Variants in PTCHD1 observed in about 807,000 individuals in gnomAD.
PTCHD1 encodes patched domain containing 1.
Under a neutral mutation model 34.6 loss-of-function variants are expected in PTCHD1, and 3 were observed. The observed-to-expected ratio is 0.09, with a 90% CI of 0.04 to 0.22. PTCHD1 has a LOEUF of 0.22. Among genes scored for constraint, PTCHD1 ranks in the 10% least tolerant of loss-of-function variants. The pLI, the probability that PTCHD1 is intolerant of heterozygous loss-of-function variation, is 1.00. For missense variants in PTCHD1, 504 were observed against 685.5 expected, an observed-to-expected ratio of 0.74 and a Z score of 2.96; for synonymous variants, 305 against 283.1, an observed-to-expected ratio of 1.08 and a Z score of -0.77.
chrX:23,384,709 T>G lies in PTCHD1; in HGVS notation c.1012+4458T>G, dbSNP rs375800691. 1.6e-3 allele frequency among the ~76,000 whole-genome samples: 174 copies of G among 112,219 alleles called. 1 individual carries two copies. The highest frequency in any genetic ancestry group is 5.4e-3 in the African/African-American group (168 of 30,898). On this transcript the variant is annotated intron_variant, in intron 2 of 2. Transcript: ENST00000379361. ...TAAACTTAAGCAAACCTGAAAGAAT[T>G]TGCTTTCCTGATGAGTATTCTGATA... is the stretch of plus-strand genomic sequence containing the variant.
chrX:23,388,692 G>A (rs185962573), intron 2 of PTCHD1, among the ~76,000 whole-genome samples: 97 of 112,111 alleles, frequency 8.7e-4, no homozygotes, highest in African/African-American at 3.0e-3. Flanking sequence ...TTACCTGGGC[G>A]TGGTGGCATG....
intron 1 of PTCHD1, among the ~76,000 whole-genome samples, chrX:23,364,776 G>T (rs1454744060): frequency 8.9e-6 from 1 of 112,556 alleles, no homozygotes; most frequent in Non-Finnish European, 1.9e-5. Context: ...CAATATTCCA[G>T]CATTTGCTGT....
chrX:23,382,127 G>A (rs764310304), intron 2 of PTCHD1, among the ~76,000 whole-genome samples: 3 of 111,652 alleles, frequency 2.7e-5, no homozygotes, highest in East Asian at 2.8e-4. Context: ...GCAAAAGGAC[G>A]CCGGAGCTAG....
chrX:23,363,200 G>A (rs1922037619), intron 1 of PTCHD1, among the ~76,000 whole-genome samples: 2 of 112,708 alleles, frequency 1.8e-5, no homozygotes, highest in African/African-American at 6.4e-5. Flanking sequence ...AGTCAGGTAC[G>A]TTTAAGTCTG....
intron 2 of PTCHD1, 98 bp from the exon 3 acceptor site, chrX:23,392,433 G>T: frequency 1.7e-6 from 1 of 586,995 alleles, no homozygotes; most frequent in Non-Finnish European, 2.9e-6. Flanking sequence ...GGTTGATTAC[G>T]TTTCCTTTGA....
At chrX:23,376,574 C>A (rs754482506) in intron 1 of PTCHD1, among the ~76,000 whole-genome samples, 1 of 112,310 alleles carries the variant, frequency 8.9e-6, no homozygotes, top group Admixed American at 9.4e-5. Context: ...TATCTGCCCA[C>A]GGCTATGTGG....
intron 1 of PTCHD1, among the ~76,000 whole-genome samples, chrX:23,360,861 T>C (rs1207085956): frequency 8.9e-6 from 1 of 112,446 alleles, no homozygotes; most frequent in Admixed American, 9.4e-5. Context: ...TTTGTTCTCA[T>C]TGGTTTCAAA....
At chrX:23,363,360 C>T (rs1015881916) in intron 1 of PTCHD1, among the ~76,000 whole-genome samples, 2 of 112,613 alleles carry the variant, frequency 1.8e-5, no homozygotes, top group African/African-American at 3.2e-5. Flanking sequence ...TCAGCAGTGG[C>T]GGACGCCCAT....
intron 1 of PTCHD1, among the ~76,000 whole-genome samples, chrX:23,343,389 G>C (rs774380460): frequency 4.2e-4 from 47 of 111,939 alleles, no homozygotes; most frequent in African/African-American, 1.4e-3. Flanking sequence ...ATGTGGGAGG[G>C]TGGATCCCTG....
intron 1 of PTCHD1, among the ~76,000 whole-genome samples, chrX:23,338,044 T>G (rs1377091255): frequency 9.0e-6 from 1 of 111,256 alleles, no homozygotes; most frequent in Non-Finnish European, 1.9e-5. Flanking sequence ...GCTGATCTGG[T>G]TTGGAGGAGC....
intron 1 of PTCHD1, among the ~76,000 whole-genome samples, chrX:23,361,929 G>T (rs2146627148): frequency 8.9e-6 from 1 of 112,219 alleles, no homozygotes; most frequent in Admixed American, 9.4e-5. Context: ...GGCTGGAGAT[G>T]AAATTCTGGG....
At chrX:23,366,624 T>A (rs1041777673) in intron 1 of PTCHD1, among the ~76,000 whole-genome samples, 5 of 111,445 alleles carry the variant, frequency 4.5e-5, no homozygotes, top group Admixed American at 1.9e-4. Flanking sequence ...CTAGAAATCG[T>A]CCTTGATGAC....
intron 1 of PTCHD1, among the ~76,000 whole-genome samples, chrX:23,347,630 A>T (rs1921511550): frequency 8.9e-6 from 1 of 112,233 alleles, no homozygotes; most frequent in South Asian, 3.7e-4. Flanking sequence ...AATAAAATAT[A>T]TATAGTCTGA....
intron 1 of PTCHD1, among the ~76,000 whole-genome samples, chrX:23,369,085 CACAT>C (rs1273355412): frequency 1.8e-5 from 2 of 111,772 alleles, no homozygotes; most frequent in Non-Finnish European, 3.8e-5. Flanking sequence ...AAAAAAAAGA[CACAT>C]ACATGATGCA....
chrX:23,394,233 G>T lies in PTCHD1; in HGVS notation c.*48G>T, dbSNP rs1486788932. On this transcript the variant is annotated 3_prime_UTR_variant, in exon 3 of 3. Transcript: ENST00000379361. ...CACCTTAGGTCTTATCAAGACCAAA[G>T]AGATTATGTTAATGAAACAATTAAA... 1 of 806,992 alleles carries T rather than the reference G, an allele frequency of 1.2e-6. No individual in the cohort carries two copies. Among genetic ancestry groups the T allele is most frequent in the Non-Finnish European group, 1.7e-6 (1 of 572,775 alleles). The allele number at this position is 806,992 out of a possible 1,213,427, so 66.5% of individuals were successfully genotyped here. A position where few individuals can be genotyped will look rare whatever the true frequency, so the allele number is the denominator to read the frequency against.
intron 1 of PTCHD1, among the ~76,000 whole-genome samples, chrX:23,369,905 A>G: frequency 8.9e-6 from 1 of 112,253 alleles, no homozygotes; most frequent in Non-Finnish European, 1.9e-5. Context: ...TTAGTCTTTC[A>G]GCAAAGATGA....
chrX:23,354,604 G>A (rs1163434439), intron 1 of PTCHD1, among the ~76,000 whole-genome samples: 3 of 95,899 alleles, frequency 3.1e-5, no homozygotes, highest in African/African-American at 1.2e-4. Context: ...ACGGAGTCTC[G>A]CTCTGTCTCC....
chrX:23,397,822 G>C lies in PTCHD1; in HGVS notation c.*3637G>C, dbSNP rs1025730290. 5 of 111,470 alleles carry C rather than the reference G, an allele frequency of 4.5e-5. No individual in the cohort carries two copies. The highest frequency in any genetic ancestry group is 1.6e-4 in the African/African-American group (5 of 30,618). The allele number at this position is 111,470 out of a possible 1,213,427, so 9.2% of individuals were successfully genotyped here. On this transcript the variant is annotated 3_prime_UTR_variant, in exon 3 of 3. Transcript: ENST00000379361. ...ACAAGAAAAGGTGGAATGGGCAGCTGTCTTGGGGGTGTGGCAAGAGGCAGA... is the reference window on the plus strand; with the variant it reads ...ACAAGAAAAGGTGGAATGGGCAGCTCTCTTGGGGGTGTGGCAAGAGGCAGA...
chrX:23,392,074 C>CTTTCTTTTTTTTTTTTT (rs367570857), intron 2 of PTCHD1, among the ~76,000 whole-genome samples: 21 of 52,343 alleles, frequency 4.0e-4, no homozygotes, highest in African/African-American at 2.5e-3. Flanking sequence ...TTCTTTCTTT[C>CTTTCTTTTTTTTTTTTT]TTTTTTTTTT....
Sources: allele counts gnomAD v4.1 joint callset (sites outside exome capture counted in the v4.1 genomes callset), GRCh38; gene constraint gnomAD v4.1.1; transcripts MANE v1.5; gene names NCBI Gene and HGNC (gene_info 2026-07-23, HGNC 2026-07-21).